Variants in UTS2 observed in about 807,000 individuals in gnomAD.
UTS2 encodes urotensin 2, also known as urotensin-2.
In UTS2, 10 loss-of-function variants were observed where a neutral mutation model predicts 12.6. The observed-to-expected ratio is 0.80, with a 90% CI of 0.49 to 1.35. The LOEUF (loss-of-function observed/expected upper bound fraction) is 1.35, where lower values mean the gene tolerates loss of function less well. UTS2 is among the 40% of genes most tolerant of loss of function. UTS2 has a pLI of 0.00. For synonymous variants in UTS2, 52 were observed against 50.0 expected (o/e 1.04, Z -0.17); for missense variants, 142 against 143.2 (o/e 0.99, Z 0.04).
At chr1:7,869,331 G>A in the UTS2 span, among the ~76,000 whole-genome samples, 38 of 152,288 alleles carry the variant, frequency 2.5e-4, no homozygotes, top group African/African-American at 8.9e-4. Flanking sequence ...GGCAGCCCCC[G>A]GCGGCTGGGG....
chr1:7,862,896 T>C, the UTS2 span, among the ~76,000 whole-genome samples: 1 of 152,178 alleles, frequency 6.6e-6, no homozygotes, highest in Non-Finnish European at 1.5e-5. Flanking sequence ...GCTATGTAGC[T>C]ACCACGTTCA....
chr1:7,862,133 G>A, the UTS2 span, among the ~76,000 whole-genome samples: 17 of 151,796 alleles, frequency 1.1e-4, no homozygotes, highest in African/African-American at 1.7e-4. Context: ...GGCTGGTCTC[G>A]AACTCCTGAC....
At position 7,847,841 on chromosome 1, in the gene UTS2, ACT is replaced by A; in HGVS notation, c.298_299del (p.His101SerfsTer13). On this transcript the variant is annotated frameshift_variant, in exon 4 of 4. Coordinates refer to ENST00000361696, the MANE Select transcript of UTS2 (RefSeq NM_006786.4). LOFTEE classifies it high-confidence loss of function. ...GTTTCCAGATTCTGGCCAAAAGATGACTCAGTAAAATGTTAGGATCTTGTCCA... is the reference window on the plus strand; with the variant it reads ...GTTTCCAGATTCTGGCCAAAAGATGACAGTAAAATGTTAGGATCTTGTCCA... ...FSGQDPNILL[S>X]HLLARIWKPY... The A allele has an allele frequency of 6.2e-7, 1 of 1,613,950 alleles. No homozygotes were observed.
chr1:7,865,995 T>C, the UTS2 span, among the ~76,000 whole-genome samples: 3 of 152,182 alleles, frequency 2.0e-5, no homozygotes, highest in Non-Finnish European at 4.4e-5. Flanking sequence ...AACGGATGAA[T>C]GTGCAGGGGA....
chr1:7,906,079 A>C, the UTS2 span, among the ~76,000 whole-genome samples: 1 of 152,170 alleles, frequency 6.6e-6, no homozygotes, highest in Non-Finnish European at 1.5e-5. Context: ...GTTGCCTTTC[A>C]GTCTTGAGGC....
chr1:7,853,503 A>G (rs2097416321), upstream of UTS2: 1 of 1,546,666 alleles, frequency 6.5e-7, no homozygotes, highest in Admixed American at 2.1e-5. Flanking sequence ...GAAGAATGAC[A>G]ATCTGTGGAT....
chr1:7,863,053 G>A, the UTS2 span, among the ~76,000 whole-genome samples: 1 of 59,618 alleles, frequency 1.7e-5, no homozygotes, highest in South Asian at 6.6e-4. Context: ...GTATTGTATT[G>A]TATTGTATTG....
At chr1:7,902,754 G>A in the UTS2 span, among the ~76,000 whole-genome samples, 2 of 152,078 alleles carry the variant, frequency 1.3e-5, no homozygotes, top group African/African-American at 4.8e-5. Context: ...TAATTAGGCG[G>A]CACGTTAGCC....
At chr1:7,903,685 G>C in the UTS2 span, among the ~76,000 whole-genome samples, 1 of 151,834 alleles carries the variant, frequency 6.6e-6, no homozygotes, top group Admixed American at 6.6e-5. Flanking sequence ...CACCACGTCC[G>C]GCCTATTGTC....
the UTS2 span, among the ~76,000 whole-genome samples, chr1:7,901,606 A>ATGTGTGTGTG: frequency 8.7e-5 from 11 of 126,784 alleles, no homozygotes; most frequent in African/African-American, 3.1e-4. Flanking sequence ...ATATTCATCT[A>ATGTGTGTGTG]TGTGTGTGTG....
At chr1:7,852,833 C>G in intron 1 of UTS2, 68 bp downstream of exon 1, 1 of 1,512,434 alleles carries the variant, frequency 6.6e-7, no homozygotes, top group Non-Finnish European at 8.9e-7. Flanking sequence ...ATTCTTATCT[C>G]TAACATTGAA....
chr1:7,877,207 T>C, the UTS2 span, among the ~76,000 whole-genome samples: 1 of 150,576 alleles, frequency 6.6e-6, no homozygotes, highest in African/African-American at 2.4e-5. Context: ...ACACTTCTAC[T>C]TCCAAAGGAA....
At chr1:7,894,956 T>G in the UTS2 span, among the ~76,000 whole-genome samples, 1 of 152,082 alleles carries the variant, frequency 6.6e-6, no homozygotes, top group Admixed American at 6.5e-5. Flanking sequence ...TGGAAGTTGT[T>G]TATAATCCTT....
the UTS2 span, among the ~76,000 whole-genome samples, chr1:7,902,183 C>T: frequency 1.7e-5 from 1 of 59,312 alleles, no homozygotes; most frequent in Non-Finnish European, 3.2e-5. Flanking sequence ...CCTTTGGGCT[C>T]CAGGCTATCT....
chr1:7,858,756 G>A, the UTS2 span, among the ~76,000 whole-genome samples: 1 of 152,010 alleles, frequency 6.6e-6, no homozygotes, highest in Non-Finnish European at 1.5e-5. Flanking sequence ...GCTAATTTTT[G>A]TATCTTCAGT....
chr1:7,893,450 C>G, the UTS2 span, among the ~76,000 whole-genome samples: 1 of 151,972 alleles, frequency 6.6e-6, no homozygotes, highest in African/African-American at 2.4e-5. Flanking sequence ...TGAGGTTGTG[C>G]CACTGCACTC....
chr1:7,912,355 A>G, the UTS2 span, among the ~76,000 whole-genome samples: 1 of 152,222 alleles, frequency 6.6e-6, no homozygotes, highest in Non-Finnish European at 1.5e-5. Flanking sequence ...ACTCAGCGGC[A>G]TAAACCAATC....
chr1:7,849,602 C>T, intron 3 of UTS2, 38 bp downstream of exon 3: 1 of 1,557,704 alleles, frequency 6.4e-7, no homozygotes, highest in Non-Finnish European at 8.8e-7. Context: ...ACAGAATGTT[C>T]ACCTTTTTAA....
the UTS2 span, among the ~76,000 whole-genome samples, chr1:7,893,684 C>T: frequency 6.6e-6 from 1 of 152,236 alleles, no homozygotes; most frequent in African/African-American, 2.4e-5. Flanking sequence ...CACCTCTGTG[C>T]CTGGTTTTAC....
Sources: gnomAD v4.1 joint callset for allele counts (sites outside exome capture counted in the v4.1 genomes callset) on GRCh38, gnomAD v4.1.1 for gene constraint, MANE v1.5 for transcripts, NCBI Gene and HGNC (gene_info 2026-07-23, HGNC 2026-07-21) for gene names.